The following GXYLT2 variants were observed in gnomAD, a reference collection of about 807,000 sequenced individuals.
The protein encoded by GXYLT2 is glucoside xylosyltransferase 2, also known as glycosyltransferase 8 domain containing 4.
In GXYLT2, 53 loss-of-function variants were observed where a neutral mutation model predicts 45.8. The ratio of observed to expected loss-of-function variants is 1.16; its 90% CI spans 0.93 to 1.46. The LOEUF is 1.46. Ranked by LOEUF, GXYLT2 falls within the 40% of genes most tolerant of loss-of-function variation. The pLI is 0.00. For synonymous variants in GXYLT2, 219 were observed against 214.2 expected (o/e 1.02, Z -0.19); for missense variants, 551 against 544.4 (o/e 1.01, Z -0.12).
intron 1 of GXYLT2, among the ~76,000 whole-genome samples, chr3:72,904,195 C>T (rs1243681798): frequency 3.9e-5 from 6 of 152,362 alleles, no homozygotes; most frequent in Admixed American, 1.3e-4. Context: ...ATCACCCATT[C>T]CCTGCCCAAT....
In GXYLT2 at chr3:72,971,904, G is replaced by A. The variant is rs551703602; in HGVS notation, c.1150-3073G>A. Among the ~76,000 whole-genome samples the A allele has an allele frequency of 4.6e-5, 7 of 150,602 alleles. No individual in the cohort carries two copies. In the South Asian group the frequency reaches 8.4e-4, roughly 18 times the overall value. On this transcript the variant is annotated intron_variant, in intron 6 of 6. Transcript: ENST00000389617. ...GCAGAGGTTACAGCAAGCCAGGATC[G>A]TGCCACTGCACTCCAGCCTGGGCGA... is the stretch of plus-strand genomic sequence containing the variant.
At chr3:72,925,964 A>G (rs995688513) in intron 3 of GXYLT2, among the ~76,000 whole-genome samples, 2 of 152,192 alleles carry the variant, frequency 1.3e-5, no homozygotes, top group African/African-American at 2.4e-5. Context: ...GATTATGAAC[A>G]TGGCATTTTT....
intron 3 of GXYLT2, among the ~76,000 whole-genome samples, chr3:72,947,200 C>T (rs72883808): frequency 0.1 from 15,192 of 152,038 alleles, 1,045 homozygotes; most frequent in East Asian, 0.31. Context: ...TTGTTTCTAT[C>T]TAAGCAAAGA....
At chr3:72,925,413 C>T (rs1559736623) in intron 3 of GXYLT2, among the ~76,000 whole-genome samples, 1 of 152,164 alleles carries the variant, frequency 6.6e-6, no homozygotes, top group Non-Finnish European at 1.5e-5. Context: ...GCCTCGGCCT[C>T]CCAAAGTGCT....
chr3:72,961,209 C>A (rs955638961), intron 5 of GXYLT2, among the ~76,000 whole-genome samples: 4 of 152,118 alleles, frequency 2.6e-5, no homozygotes, highest in African/African-American at 7.2e-5. Context: ...AGTTCACACT[C>A]TTAAAGGTGA....
chr3:72,895,665 C>T (rs1055280725), intron 1 of GXYLT2, among the ~76,000 whole-genome samples: 2 of 152,178 alleles, frequency 1.3e-5, no homozygotes, highest in Non-Finnish European at 2.9e-5. Flanking sequence ...AGAAAAGAGA[C>T]TTCTGTTGAA....
intron 1 of GXYLT2, among the ~76,000 whole-genome samples, chr3:72,889,582 T>C (rs1709139355): frequency 6.6e-6 from 1 of 152,202 alleles, no homozygotes; most frequent in Non-Finnish European, 1.5e-5. Flanking sequence ...AAAGTACTTA[T>C]AACACTTTAC....
intron 3 of GXYLT2, among the ~76,000 whole-genome samples, chr3:72,942,066 T>A (rs1559742781): frequency 6.6e-6 from 1 of 152,060 alleles, no homozygotes; most frequent in African/African-American, 2.4e-5. Context: ...AAGGATGTGC[T>A]AAAAAATATT....
intron 1 of GXYLT2, among the ~76,000 whole-genome samples, chr3:72,905,483 G>GA (rs1286824603): frequency 1.3e-5 from 2 of 152,032 alleles, no homozygotes; most frequent in East Asian, 3.9e-4. Context: ...ACTGCTATAT[G>GA]GTATTCACTT....
At chr3:72,897,183 C>T (rs1177578154) in intron 1 of GXYLT2, among the ~76,000 whole-genome samples, 2 of 152,242 alleles carry the variant, frequency 1.3e-5, no homozygotes, top group East Asian at 3.9e-4. Context: ...GATAGAATAC[C>T]AGCTCATCTG....
At chr3:72,933,131 G>T (rs972826357) in intron 3 of GXYLT2, among the ~76,000 whole-genome samples, 1 of 152,050 alleles carries the variant, frequency 6.6e-6, no homozygotes, top group African/African-American at 2.4e-5. Context: ...ATTTTTTTAG[G>T]ACTGATATGT....
chr3:72,928,843 G>A (rs759071106), intron 3 of GXYLT2, among the ~76,000 whole-genome samples: 2 of 152,068 alleles, frequency 1.3e-5, no homozygotes, highest in Non-Finnish European at 2.9e-5. Flanking sequence ...TATTCACTTT[G>A]CCAGACGTTC....
chr3:72,899,881 T>C (rs964138622), intron 1 of GXYLT2, among the ~76,000 whole-genome samples: 5 of 152,146 alleles, frequency 3.3e-5, no homozygotes, highest in Non-Finnish European at 5.9e-5. Flanking sequence ...CTACCATTTT[T>C]CCCCCACATA....
At chr3:72,958,018 C>T (rs1172541051) in intron 5 of GXYLT2, among the ~76,000 whole-genome samples, 1 of 152,108 alleles carries the variant, frequency 6.6e-6, no homozygotes, top group Non-Finnish European at 1.5e-5. Context: ...CACCTGTAAT[C>T]CCAGCACTTT....
At chr3:72,890,454 G>T (rs1391618062) in intron 1 of GXYLT2, among the ~76,000 whole-genome samples, 1 of 152,222 alleles carries the variant, frequency 6.6e-6, no homozygotes, top group Non-Finnish European at 1.5e-5. Flanking sequence ...CTTTTCAGAT[G>T]AGGAAAGTAT....
intron 3 of GXYLT2, among the ~76,000 whole-genome samples, chr3:72,947,427 A>C (rs7625142): frequency 0.83 from 126,848 of 152,168 alleles, 53,172 homozygotes; most frequent in East Asian, 0.93. Context: ...TGGTGACAGC[A>C]AACTAAGTTG....
At chr3:72,924,685 C>T (rs1046849802) in intron 3 of GXYLT2, among the ~76,000 whole-genome samples, 1 of 152,046 alleles carries the variant, frequency 6.6e-6, no homozygotes, top group Non-Finnish European at 1.5e-5. Flanking sequence ...AATGGACCTG[C>T]CTGAAACGGA....
chr3:72,921,321 C>T (rs1448562978), intron 2 of GXYLT2, among the ~76,000 whole-genome samples: 2 of 152,080 alleles, frequency 1.3e-5, no homozygotes, highest in African/African-American at 2.4e-5. Flanking sequence ...GAACTGAGGT[C>T]AGCAAACTAT....
intron 1 of GXYLT2, among the ~76,000 whole-genome samples, chr3:72,899,214 GTAAT>G (rs1709354184): frequency 6.6e-6 from 1 of 152,144 alleles, no homozygotes; most frequent in Non-Finnish European, 1.5e-5. Context: ...ACACATAGCT[GTAAT>G]TACCAACTTT....
Sources: gnomAD v4.1 joint callset for allele counts (sites outside exome capture counted in the v4.1 genomes callset) on GRCh38, gnomAD v4.1.1 for gene constraint, MANE v1.5 for transcripts, NCBI Gene and HGNC (gene_info 2026-07-23, HGNC 2026-07-21) for gene names.